The following ATXN7L1 variants were observed in gnomAD, a reference collection of about 807,000 sequenced individuals.
ATXN7L1 encodes ataxin 7 like 1, also known as ataxin-7-like protein 1.
In ATXN7L1, 15 loss-of-function variants were observed where a neutral mutation model predicts 70.8. The ratio of observed to expected loss-of-function variants is 0.21; its 90% CI spans 0.14 to 0.33. The LOEUF is 0.33. Ranked by LOEUF, ATXN7L1 falls within the 10% of genes least tolerant of loss-of-function variation. The probability of loss-of-function intolerance (pLI) is 1.00; values close to 1 mark genes in which losing one functional copy is unlikely to be tolerated. For missense variants in ATXN7L1, 975 were observed against 1,097.1 expected (o/e 0.89, Z 1.57); for synonymous variants, 440 against 445.1 (o/e 0.99, Z 0.14).
intron 3 of ATXN7L1, among the ~76,000 whole-genome samples, chr7:105,736,833 G>A (rs1294058557): frequency 6.6e-6 from 1 of 152,230 alleles, no homozygotes; most frequent in African/African-American, 2.4e-5. Context: ...TGTGCACACA[G>A]AGTCTTACTT....
intron 2 of ATXN7L1, among the ~76,000 whole-genome samples, chr7:105,859,712 A>G (rs993998619): frequency 2.0e-5 from 3 of 152,088 alleles, no homozygotes; most frequent in South Asian, 4.1e-4. Context: ...AAATCACCTA[A>G]TGACATAACT....
chr7:105,769,241 G>C (rs1428594945), intron 3 of ATXN7L1, among the ~76,000 whole-genome samples: 1 of 152,232 alleles, frequency 6.6e-6, no homozygotes, highest in East Asian at 1.9e-4. Flanking sequence ...AGGCAGTCGT[G>C]AGTACAGAAG....
rs547442000 is a variant in ATXN7L1, at chr7:105,770,254, T to C, written c.355+18350A>G. Among the ~76,000 whole-genome samples the C allele has an allele frequency of 7.2e-5, 11 of 152,368 alleles. No homozygotes were observed. In the East Asian group the frequency reaches 2.1e-3, roughly 29 times the overall value. ...TGCCAAGAGCAATAGCTATTTATCA[T>C]GGCAAATGACTGAAATAGTTGTACA... On this transcript the variant is annotated intron_variant, in intron 3 of 11. Transcript: ENST00000419735.
chr7:105,836,047 G>C (rs998981362), intron 2 of ATXN7L1, among the ~76,000 whole-genome samples: 4 of 152,148 alleles, frequency 2.6e-5, no homozygotes, highest in African/African-American at 7.2e-5. Context: ...AATTTATCCA[G>C]GGAAGAAGCA....
chr7:105,740,965 C>T (rs1797962415), intron 3 of ATXN7L1, among the ~76,000 whole-genome samples: 1 of 151,872 alleles, frequency 6.6e-6, no homozygotes, highest in Non-Finnish European at 1.5e-5. Flanking sequence ...GGGTTTTCAC[C>T]ATGTTAGCCA....
intron 2 of ATXN7L1, among the ~76,000 whole-genome samples, chr7:105,796,429 G>A (rs766690652): frequency 5.3e-5 from 8 of 152,126 alleles, no homozygotes; most frequent in African/African-American, 1.2e-4. Context: ...CACAGATCTC[G>A]GTAGGACCTA....
rs541693606 is a variant in ATXN7L1 at position 105,605,090 on chromosome 7, C to T, written c.*2762G>A. The T allele has an allele frequency of 3.6e-5, 4 of 110,924 alleles. No homozygotes were observed. The highest frequency in any genetic ancestry group is 3.3e-4 in the South Asian group (1 of 3,058). 6.9% of individuals were successfully genotyped at this position (110,924 alleles called of 1,614,324 possible). ...TTATGGCTGACAGGTCTATGCATTG[C>T]GTTATGCTTCACAACCAGAGCTTTC... On this transcript the variant is annotated 3_prime_UTR_variant, in exon 12 of 12. Transcript: ENST00000419735.
intron 8 of ATXN7L1, among the ~76,000 whole-genome samples, chr7:105,621,157 T>C (rs1794872083): frequency 1.3e-5 from 2 of 152,226 alleles, no homozygotes; most frequent in Admixed American, 1.3e-4. Flanking sequence ...CTTTGTAGGC[T>C]GTCCTGGGAC....
chr7:105,700,358 T>C (rs897311932), intron 3 of ATXN7L1, among the ~76,000 whole-genome samples: 1 of 151,574 alleles, frequency 6.6e-6, no homozygotes, highest in Admixed American at 6.6e-5. Flanking sequence ...ATACAAAAAA[T>C]TAGCCAGGCG....
At chr7:105,676,479 G>A (rs1185671394) in intron 3 of ATXN7L1, among the ~76,000 whole-genome samples, 1 of 152,134 alleles carries the variant, frequency 6.6e-6, no homozygotes, top group South Asian at 2.1e-4. Context: ...ACCTGGGCAC[G>A]GGGGAGCCAC....
chr7:105,727,635 C>T (rs1386919117), intron 3 of ATXN7L1, among the ~76,000 whole-genome samples: 2 of 144,146 alleles, frequency 1.4e-5, no homozygotes, highest in African/African-American at 5.2e-5. Flanking sequence ...TGCCATTGCA[C>T]TCCAGCCTGG....
At chr7:105,850,999 C>T (rs933668936) in intron 2 of ATXN7L1, among the ~76,000 whole-genome samples, 2 of 152,176 alleles carry the variant, frequency 1.3e-5, no homozygotes, top group Non-Finnish European at 2.9e-5. Context: ...CACTTCCAAA[C>T]TCAACTTCCC....
At chr7:105,615,982 G>A (rs1793836309) in intron 9 of ATXN7L1, among the ~76,000 whole-genome samples, 1 of 152,166 alleles carries the variant, frequency 6.6e-6, no homozygotes, top group Non-Finnish European at 1.5e-5. Context: ...GGAGGCACAC[G>A]GCCACAGGGA....
intron 2 of ATXN7L1, among the ~76,000 whole-genome samples, chr7:105,790,674 A>ACTATCTAT (rs3036755): frequency 0.23 from 26,161 of 112,780 alleles, 3,463 homozygotes; most frequent in East Asian, 0.35. Context: ...CTATCTATCT[A>ACTATCTAT]CTATCTATCT....
intron 3 of ATXN7L1, among the ~76,000 whole-genome samples, chr7:105,693,746 C>T (rs748722602): frequency 2.0e-5 from 3 of 152,156 alleles, no homozygotes; most frequent in South Asian, 2.1e-4. Flanking sequence ...GGGCCACCAG[C>T]GCCATGGTGG....
chr7:105,770,742 C>T (rs1801870417), intron 3 of ATXN7L1, among the ~76,000 whole-genome samples: 1 of 152,296 alleles, frequency 6.6e-6, no homozygotes, highest in South Asian at 2.1e-4. Flanking sequence ...GAACCCCAAC[C>T]CCTTCAAAGA....
chr7:105,738,617 A>G (rs781360393), intron 3 of ATXN7L1, among the ~76,000 whole-genome samples: 64 of 152,192 alleles, frequency 4.2e-4, no homozygotes, highest in Non-Finnish European at 4.6e-4. Context: ...TTGACGATCA[A>G]TGATTTTTCC....
At chr7:105,712,761 C>G (rs568446607) in intron 3 of ATXN7L1, among the ~76,000 whole-genome samples, 11 of 152,346 alleles carry the variant, frequency 7.2e-5, no homozygotes, top group Non-Finnish European at 1.5e-4. Context: ...TTCAACAAGT[C>G]TCTAGGAAGT....
At chr7:105,660,739 C>T (rs766231030) in intron 4 of ATXN7L1, among the ~76,000 whole-genome samples, 5 of 151,986 alleles carry the variant, frequency 3.3e-5, no homozygotes, top group Non-Finnish European at 7.4e-5. Flanking sequence ...CGCACCACCA[C>T]ACCCAGCTAA....
Sources: gnomAD v4.1 joint callset for allele counts (sites outside exome capture counted in the v4.1 genomes callset) on GRCh38, gnomAD v4.1.1 for gene constraint, MANE v1.5 for transcripts, NCBI Gene and HGNC (gene_info 2026-07-23, HGNC 2026-07-21) for gene names.